Variants in GOLGA8A observed in about 807,000 individuals in gnomAD.
The protein encoded by GOLGA8A is golgin A8 family member A.
GOLGA8A carries 3 observed loss-of-function variants against 22.1 expected under a neutral mutation model. The observed-to-expected ratio is 0.14, with a 90% CI of 0.06 to 0.35. GOLGA8A has a LOEUF of 0.35. GOLGA8A is among the 10% of genes least tolerant of loss of function. GOLGA8A has a pLI of 1.00. For missense variants in GOLGA8A, 16 were observed against 233.2 expected (o/e 0.07, Z 6.07); for synonymous variants, 7 against 91.7 (o/e 0.08, Z 5.28).
Position 34,427,238 on chromosome 15 carries a change from G to A in GOLGA8A, c.-1123+8145C>T, listed in dbSNP as rs1480306596. Among the ~76,000 whole-genome samples the A allele has an allele frequency of 2.8e-5, 4 of 144,898 alleles. No individual in the cohort carries two copies. The East Asian group carries it at 6.1e-4, about 22-fold the overall frequency. On this transcript the variant is annotated intron_variant, in intron 2 of 24. Coordinates refer to ENST00000359187, the MANE Select transcript of GOLGA8A (RefSeq NM_181077.5). ...CCCAGCTACTCGGGAAGCTGAGGAA[G>A]GAGAATGGCGTGAACCCAGGAGGTG...
intron 2 of GOLGA8A, among the ~76,000 whole-genome samples, chr15:34,424,961 G>A (rs1300175492): frequency 7.0e-6 from 1 of 143,584 alleles, no homozygotes; most frequent in Non-Finnish European, 1.5e-5. Context: ...TTAGCCAGGC[G>A]TGGTGGACCC....
intron 2 of GOLGA8A, among the ~76,000 whole-genome samples, chr15:34,434,178 G>C (rs1159630380): frequency 1.3e-5 from 2 of 149,560 alleles, no homozygotes; most frequent in African/African-American, 4.9e-5. Flanking sequence ...GAGCCTGGAG[G>C]GGCCATTCTT....
intron 2 of GOLGA8A, among the ~76,000 whole-genome samples, chr15:34,430,794 G>A (rs1041614972): frequency 6.7e-6 from 1 of 149,704 alleles, no homozygotes; most frequent in Non-Finnish European, 1.5e-5. Flanking sequence ...AGACCTCCAC[G>A]TGCCCTTCTC....
intron 2 of GOLGA8A, chr15:34,420,251 T>C (rs1168128397): frequency 6.9e-6 from 1 of 145,084 alleles, no homozygotes; most frequent in Non-Finnish European, 1.5e-5. Flanking sequence ...GCCTGGGGTA[T>C]CACAAAGAGA....
At chr15:34,427,679 G>A (rs1208534931) in intron 2 of GOLGA8A, among the ~76,000 whole-genome samples, 1 of 148,768 alleles carries the variant, frequency 6.7e-6, no homozygotes, top group African/African-American at 2.5e-5. Flanking sequence ...CCAGGCACCT[G>A]TGGAGTCCTA....
At chr15:34,423,334 C>G (rs1892857356) in intron 2 of GOLGA8A, among the ~76,000 whole-genome samples, 1 of 125,238 alleles carries the variant, frequency 8.0e-6, no homozygotes, top group South Asian at 2.9e-4. Flanking sequence ...CCCCGAGCAT[C>G]AGTACCTTCA....
chr15:34,420,161 A>G (rs1465346636), intron 2 of GOLGA8A: 4 of 147,710 alleles, frequency 2.7e-5, no homozygotes, highest in Non-Finnish European at 4.5e-5. Context: ...GATATCCTTG[A>G]TGTCAGATGC....
chr15:34,434,769 C>T (rs1893421791), intron 2 of GOLGA8A, among the ~76,000 whole-genome samples: 1 of 149,436 alleles, frequency 6.7e-6, no homozygotes, highest in Non-Finnish European at 1.5e-5. Context: ...GGGAGGCCTG[C>T]CTGGTCACCA....
rs1365295548 is a variant in GOLGA8A, at chr15:34,421,277, G to A, written c.-1122-13542C>T. 2.8e-5 allele frequency among the ~76,000 whole-genome samples: 4 copies of A among 143,030 alleles called. 1 individual carries two copies. The highest frequency in any genetic ancestry group is 5.1e-5 in the African/African-American group (2 of 39,138). 93.8% of individuals were successfully genotyped at this position (143,030 alleles called of 152,430 possible). ...TTTTCCATTAAACGACAAGAAAATC[G>A]GCTATTGTGAGAAGAGTCACATGAA... On this transcript the variant is annotated intron_variant, in intron 2 of 24. Coordinates refer to ENST00000359187, the MANE Select transcript of GOLGA8A (RefSeq NM_181077.5).
chr15:34,405,744 T>C (rs1266568850), intron 4 of GOLGA8A, among the ~76,000 whole-genome samples: 2 of 140,158 alleles, frequency 1.4e-5, no homozygotes, highest in African/African-American at 4.9e-5. Context: ...TGCCATCCTC[T>C]GTTCACTTGC....
intron 2 of GOLGA8A, among the ~76,000 whole-genome samples, chr15:34,420,868 C>A (rs1332137816): frequency 1.5e-5 from 2 of 129,222 alleles, no homozygotes. Context: ...AAGCTCTACC[C>A]TTTCCAAGCA....
intron 11 of GOLGA8A, chr15:34,387,594 C>CT: frequency 0.021 from 50 of 2,350 alleles, no homozygotes; most frequent in South Asian, 0.026. Flanking sequence ...CCACGCCCGG[C>CT]TTTTTTTTTT....
intron 2 of GOLGA8A, chr15:34,410,385 G>A: frequency 7.5e-6 from 1 of 133,396 alleles, no homozygotes; most frequent in Non-Finnish European, 1.1e-5. Context: ...GCACCAGTGA[G>A]GCCATCCCCG....
chr15:34,420,071 T>C (rs1892735185), intron 2 of GOLGA8A: 1 of 149,336 alleles, frequency 6.7e-6, no homozygotes, highest in African/African-American at 2.5e-5. Flanking sequence ...TGCCACAGAA[T>C]CATACACGTA....
intron 2 of GOLGA8A, among the ~76,000 whole-genome samples, chr15:34,427,506 T>C (rs1269599328): frequency 2.0e-5 from 3 of 148,440 alleles, no homozygotes; most frequent in African/African-American, 7.5e-5. Flanking sequence ...AAATTCTTCC[T>C]TCCAGCTCAA....
chr15:34,412,696 C>T (rs1032256102), intron 2 of GOLGA8A, among the ~76,000 whole-genome samples: 2 of 135,786 alleles, frequency 1.5e-5, no homozygotes, highest in African/African-American at 5.1e-5. Context: ...TATTTGTGTT[C>T]ATCTTCAAGA....
intron 2 of GOLGA8A, among the ~76,000 whole-genome samples, chr15:34,433,442 A>T (rs1233030192): frequency 6.7e-6 from 1 of 149,370 alleles, no homozygotes; most frequent in Admixed American, 6.8e-5. Flanking sequence ...CTCAGTGCAC[A>T]GTAAGAAAGC....
chr15:34,422,082 CTTCA>C (rs1892818127), intron 2 of GOLGA8A, among the ~76,000 whole-genome samples: 1 of 78,966 alleles, frequency 1.3e-5, no homozygotes, highest in African/African-American at 4.9e-5. Flanking sequence ...GAGGGGACGT[CTTCA>C]TTATCTGTCC....
At chr15:34,419,075 T>C (rs1253577054) in intron 2 of GOLGA8A, 1 of 137,854 alleles carries the variant, frequency 7.3e-6, no homozygotes, top group Non-Finnish European at 1.6e-5. Flanking sequence ...TGGCTAATTT[T>C]TGTATTTTTG....
Sources: allele counts gnomAD v4.1 joint callset (sites outside exome capture counted in the v4.1 genomes callset), GRCh38; gene constraint gnomAD v4.1.1; transcripts MANE v1.5; gene names NCBI Gene and HGNC (gene_info 2026-07-23, HGNC 2026-07-21).